The following NARS2 variants were observed in gnomAD, a reference collection of about 807,000 sequenced individuals.
NARS2 encodes the protein asparaginyl-tRNA synthetase.
A neutral mutation model predicts 62.9 loss-of-function variants in NARS2; 60 were observed. That is an observed-to-expected ratio of 0.95 (90% confidence interval 0.77 to 1.18). The LOEUF is 1.18. NARS2 is among the 50% of genes most tolerant of loss of function. NARS2 has a pLI of 0.00. For synonymous variants in NARS2, 196 were observed against 200.0 expected, an observed-to-expected ratio of 0.98 and a Z score of 0.17; for missense variants, 619 against 576.4, an observed-to-expected ratio of 1.07 and a Z score of -0.76.
At chr11:78,449,069 T>G (rs538301440) in intron 11 of NARS2, among the ~76,000 whole-genome samples, 15 of 152,036 alleles carry the variant, frequency 9.9e-5, no homozygotes, top group Non-Finnish European at 1.6e-4. Flanking sequence ...CTGGAATATC[T>G]GCAACTGCAC....
intron 11 of NARS2, among the ~76,000 whole-genome samples, chr11:78,456,882 C>T (rs1858181730): frequency 6.6e-6 from 1 of 152,206 alleles, no homozygotes; most frequent in Non-Finnish European, 1.5e-5. Flanking sequence ...GATTCATTTT[C>T]CCATGATCTG....
In NARS2 at chr11:78,448,845, C is replaced by T. The variant is rs141103802; in HGVS notation, c.1165-5087G>A. ...GAGATGTACTTGTTGCTGGATCTTG[C>T]TGCTAAGATAACTAAAACAAACAAA... is the stretch of plus-strand genomic sequence containing the variant. On this transcript the variant is annotated intron_variant, in intron 11 of 13. Coordinates refer to ENST00000281038, the MANE Select transcript of NARS2 (RefSeq NM_024678.6). Among the ~76,000 whole-genome samples, 89 of 152,274 alleles carry T rather than the reference C, an allele frequency of 5.8e-4. 1 individual carries two copies. Among genetic ancestry groups the T allele is most frequent in the African/African-American group, 2.0e-3 (85 of 41,562 alleles).
intron 6 of NARS2, among the ~76,000 whole-genome samples, chr11:78,495,264 G>A (rs981019687): frequency 2.6e-5 from 4 of 151,816 alleles, no homozygotes; most frequent in African/African-American, 7.3e-5. Context: ...CTTTCCTAGC[G>A]TGTCCCATGC....
intron 6 of NARS2, among the ~76,000 whole-genome samples, chr11:78,509,961 G>A (rs141449668): frequency 4.6e-5 from 7 of 151,958 alleles, no homozygotes; most frequent in East Asian, 1.9e-4. Flanking sequence ...CCATGGTAAC[G>A]ACAAAGAAAA....
chr11:78,511,840 T>C (rs549710865), intron 6 of NARS2, among the ~76,000 whole-genome samples: 50 of 152,230 alleles, frequency 3.3e-4, no homozygotes, highest in African/African-American at 1.1e-3. Flanking sequence ...AGAAACAACA[T>C]TAACTGGTAT....
In NARS2 at chr11:78,566,122, A is replaced by G; in HGVS notation, c.513+10T>C. 6.3e-7 allele frequency: 1 copy of G among 1,596,260 alleles called. No individual in the cohort carries two copies. The highest frequency in any genetic ancestry group is 8.5e-7 in the Non-Finnish European group (1 of 1,172,754). ...TTTAAAGGGTCAAGAGGGAACTTTT[A>G]GGATCTTACCTTAAAGAAAGAATGA... On this transcript the variant is annotated intron_variant, in intron 4 of 13. Transcript: ENST00000281038.
At chr11:78,466,600 C>G (rs1227913724) in intron 10 of NARS2, among the ~76,000 whole-genome samples, 1 of 152,080 alleles carries the variant, frequency 6.6e-6, no homozygotes, top group African/African-American at 2.4e-5. Flanking sequence ...CCTGCCTCAG[C>G]CTCCCAAGTA....
chr11:78,451,882 C>T (rs1045846599), intron 11 of NARS2, among the ~76,000 whole-genome samples: 1 of 152,030 alleles, frequency 6.6e-6, no homozygotes, highest in African/African-American at 2.4e-5. Flanking sequence ...ATTGAGCAAC[C>T]GTCAATACCC....
At chr11:78,441,355 GA>G (rs1014279646) in intron 12 of NARS2, among the ~76,000 whole-genome samples, 9 of 152,258 alleles carry the variant, frequency 5.9e-5, no homozygotes, top group African/African-American at 2.2e-4. Context: ...AAGAAAATAT[GA>G]TCCAGAGTCC....
At chr11:78,464,379 C>T (rs943090728) in intron 11 of NARS2, among the ~76,000 whole-genome samples, 1 of 152,282 alleles carries the variant, frequency 6.6e-6, no homozygotes, top group East Asian at 1.9e-4. Context: ...ACTGCTGGCT[C>T]GGGCAGCCTG....
At chr11:78,494,958 T>C (rs1236907466) in intron 6 of NARS2, among the ~76,000 whole-genome samples, 4 of 152,176 alleles carry the variant, frequency 2.6e-5, no homozygotes, top group Non-Finnish European at 5.9e-5. Flanking sequence ...TCACAAAATT[T>C]AGTTGTTTAC....
At chr11:78,526,330 A>G (rs1861292537) in intron 6 of NARS2, among the ~76,000 whole-genome samples, 1 of 152,160 alleles carries the variant, frequency 6.6e-6, no homozygotes, top group Non-Finnish European at 1.5e-5. Flanking sequence ...CAACAGAGAT[A>G]TCCTTTTGGA....
At chr11:78,569,531 T>C (rs1304184385) in intron 2 of NARS2, among the ~76,000 whole-genome samples, 1 of 152,206 alleles carries the variant, frequency 6.6e-6, no homozygotes, top group East Asian at 1.9e-4. Context: ...TATTGAAATA[T>C]TGTAATATAG....
intron 11 of NARS2, among the ~76,000 whole-genome samples, chr11:78,463,087 AG>A (rs1045807135): frequency 6.6e-6 from 1 of 152,140 alleles, no homozygotes; most frequent in Non-Finnish European, 1.5e-5. Flanking sequence ...TTTTTCACAT[AG>A]GGGGCTCCCT....
Position 78,574,740 on chromosome 11 carries a change from T to G in NARS2, c.-252A>C. The stretch of plus-strand genomic sequence containing the variant: ...AGGCAAACGCCAGAAAGAAACCACG[T>G]GCAGTTGGCAGCTGGGGCGCCCCAC... On this transcript the variant is annotated 5_prime_UTR_variant, in exon 1 of 14. Coordinates refer to ENST00000281038, the MANE Select transcript of NARS2 (RefSeq NM_024678.6). 2.1e-6 allele frequency: 1 copy of G among 471,290 alleles called. No homozygotes were observed. The highest frequency in any genetic ancestry group is 3.8e-6 in the Non-Finnish European group (1 of 266,436). 29.2% of individuals were successfully genotyped at this position (471,290 alleles called of 1,614,324 possible).
At chr11:78,487,366 A>AG (rs2135301567) in intron 7 of NARS2, among the ~76,000 whole-genome samples, 1 of 151,810 alleles carries the variant, frequency 6.6e-6, no homozygotes, top group East Asian at 1.9e-4. Flanking sequence ...AAAAAAAAAA[A>AG]AAAAGAAAGA....
At position 78,571,103 on chromosome 11, in the gene NARS2, A is replaced by G. The variant is rs111691342; in HGVS notation, c.251+232T>C. 0.039 allele frequency among the ~76,000 whole-genome samples: 5,894 copies of G among 152,212 alleles called. 390 individuals carry two copies. Among genetic ancestry groups the G allele is most frequent in the African/African-American group, 0.13 (5,587 of 41,512 alleles). ...GCCGCAGGTAATTAAGAAAGACTGAAGTGAAGCATAAGTAGGGGATATCAG... is the reference window on the plus strand; with the variant it reads ...GCCGCAGGTAATTAAGAAAGACTGAGGTGAAGCATAAGTAGGGGATATCAG... On this transcript the variant is annotated intron_variant, in intron 2 of 13. Coordinates refer to ENST00000281038, the MANE Select transcript of NARS2 (RefSeq NM_024678.6).
chr11:78,517,252 G>A (rs1244043534), intron 6 of NARS2, among the ~76,000 whole-genome samples: 1 of 152,178 alleles, frequency 6.6e-6, no homozygotes, highest in Non-Finnish European at 1.5e-5. Flanking sequence ...CTGACAAACA[G>A]GAAGGTTGGT....
chr11:78,499,668 A>C (rs1022255952), intron 6 of NARS2, among the ~76,000 whole-genome samples: 4 of 152,210 alleles, frequency 2.6e-5, no homozygotes, highest in African/African-American at 9.6e-5. Flanking sequence ...ACAAATTTTA[A>C]ATTAACTATA....
Sources: gnomAD v4.1 joint callset for allele counts (sites outside exome capture counted in the v4.1 genomes callset) on GRCh38, gnomAD v4.1.1 for gene constraint, MANE v1.5 for transcripts, NCBI Gene and HGNC (gene_info 2026-07-23, HGNC 2026-07-21) for gene names.